Variants in ITGAL observed in about 807,000 individuals in gnomAD.
The protein encoded by ITGAL is integrin subunit alpha L, also known as integrin alpha-L.
ITGAL carries 68 observed loss-of-function variants against 138.4 expected under a neutral mutation model. That is an observed-to-expected ratio of 0.49 (90% CI 0.40 to 0.60). ITGAL has a LOEUF of 0.60. ITGAL is among the 20% of genes least tolerant of loss of function. ITGAL has a pLI of 0.00. For synonymous variants in ITGAL, 561 were observed against 584.3 expected, an observed-to-expected ratio of 0.96 and a Z score of 0.57; for missense variants, 1,256 against 1,478.6, an observed-to-expected ratio of 0.85 and a Z score of 2.47.
intron 18 of ITGAL, chr16:30,504,919 G>A (rs886463526): frequency 5.6e-6 from 1 of 180,130 alleles, no homozygotes. Flanking sequence ...TACTCAGGAG[G>A]CTGAGGCATA....
chr16:30,484,047 G>A, intron 8 of ITGAL, 66 bp from the exon 9 acceptor site: 2 of 1,594,390 alleles, frequency 1.3e-6, no homozygotes, highest in Non-Finnish European at 1.7e-6. Context: ...AGACTCTTGT[G>A]AAAATAATAG....
chr16:30,477,516 G>C (rs1263835871), intron 4 of ITGAL: 1 of 152,242 alleles, frequency 6.6e-6, no homozygotes, highest in African/African-American at 2.4e-5. Context: ...TACAGCCAGG[G>C]AGACAGAGTG....
chr16:30,521,281 C>T (rs932542028), intron 30 of ITGAL, among the ~76,000 whole-genome samples: 1 of 151,706 alleles, frequency 6.6e-6, no homozygotes, highest in African/African-American at 2.4e-5. Flanking sequence ...GTGGCAGATG[C>T]CTGTAATCCC....
At chr16:30,518,111 T>C (rs963631363) in intron 28 of ITGAL, among the ~76,000 whole-genome samples, 1 of 152,178 alleles carries the variant, frequency 6.6e-6, no homozygotes, top group Admixed American at 6.5e-5. Flanking sequence ...GTGTGTTCTT[T>C]ATAGAAAAGC....
rs750330890 is a variant in ITGAL at position 30,474,199 on chromosome 16, C to CGGCCT, written c.66_70dup (p.Ser24TrpfsTer64). 6.3e-7 allele frequency: 1 copy of CGGCCT among 1,599,278 alleles called. No individual in the cohort carries two copies. Among genetic ancestry groups the CGGCCT allele is most frequent in the African/African-American group, 1.3e-5 (1 of 74,860 alleles). On this transcript the variant is annotated frameshift_variant, in exon 2 of 31. Transcript: ENST00000356798. LOFTEE classifies it high-confidence loss of function. ...TGACGACCCTTGCCTTCCTCAGCGC[C>CGGCCT]GGCCTCGAGCTACAACCTGGACGTG...
At chr16:30,500,504 C>T (rs547649060) in intron 17 of ITGAL, among the ~76,000 whole-genome samples, 1 of 152,138 alleles carries the variant, frequency 6.6e-6, no homozygotes, top group East Asian at 1.9e-4. Flanking sequence ...CAAGTGCACA[C>T]CACTGTGCCT....
At chr16:30,496,052 C>G in intron 13 of ITGAL, 45 bp from the exon 14 acceptor site, 1 of 1,445,724 alleles carries the variant, frequency 6.9e-7, no homozygotes, top group African/African-American at 1.4e-5. Context: ...TCTGTGACAG[C>G]ATGCTGAGTG....
chr16:30,488,374 C>G (rs901982672), intron 9 of ITGAL, among the ~76,000 whole-genome samples: 1 of 151,920 alleles, frequency 6.6e-6, no homozygotes, highest in East Asian at 1.9e-4. Context: ...GAGCAGAAAC[C>G]AAGAGCTGAG....
chr16:30,485,002 C>G (rs1397415581), intron 9 of ITGAL, among the ~76,000 whole-genome samples: 2 of 152,142 alleles, frequency 1.3e-5, no homozygotes, highest in African/African-American at 4.8e-5. Flanking sequence ...TAAGCACTTA[C>G]TGAATATCTG....
At chr16:30,518,946 G>A (rs931175023) in intron 29 of ITGAL, among the ~76,000 whole-genome samples, 5 of 152,124 alleles carry the variant, frequency 3.3e-5, no homozygotes, top group African/African-American at 7.2e-5. Context: ...AATCGAGGCC[G>A]GGCGCAGTAG....
chr16:30,506,968 CA>C, intron 21 of ITGAL, 112 bp downstream of exon 21: 1 of 1,213,438 alleles, frequency 8.2e-7, no homozygotes, highest in East Asian at 2.4e-5. Context: ...TGCGGGTGGA[CA>C]GGGGTCTTAG....
At chr16:30,513,090 G>A (rs966074625) in intron 24 of ITGAL, among the ~76,000 whole-genome samples, 1 of 152,242 alleles carries the variant, frequency 6.6e-6, no homozygotes, top group Non-Finnish European at 1.5e-5. Context: ...GGGAGAAATG[G>A]AAGAGTTCGT....
In ITGAL at chr16:30,517,037, C is replaced by T. The variant is rs775608280; in HGVS notation, c.2927C>T (p.Pro976Leu). 4 of 1,613,654 alleles carry T rather than the reference C, an allele frequency of 2.5e-6. No homozygotes were observed. The South Asian group carries it at 4.4e-5, about 18-fold the overall frequency. ...IPTLEAVVGV[P>L]QPPSEGPITH... Reference sequence around the variant, plus strand: ...ACCCTGGAGGCTGTGGTTGGGGTGCCACAGCCTCCCAGCGAGGGGCCCATC... The same window carrying T: ...ACCCTGGAGGCTGTGGTTGGGGTGCTACAGCCTCCCAGCGAGGGGCCCATC... Residue 976 changes from proline (P) to leucine (L), a missense_variant, in exon 26 of 31, where the codon CCA (proline) becomes CTA (leucine). Coordinates refer to ENST00000356798, the MANE Select transcript of ITGAL (RefSeq NM_002209.3).
At chr16:30,490,235 A>AG (rs1234376146) in intron 11 of ITGAL, among the ~76,000 whole-genome samples, 1 of 151,030 alleles carries the variant, frequency 6.6e-6, no homozygotes, top group Non-Finnish European at 1.5e-5. Context: ...CTTAAAAAAA[A>AG]AAAAAAAAAA....
chr16:30,512,532 A>G (rs2051105070), intron 24 of ITGAL, among the ~76,000 whole-genome samples: 2 of 149,176 alleles, frequency 1.3e-5, no homozygotes, highest in Non-Finnish European at 3.0e-5. Context: ...GGTTGCAGTG[A>G]GCCGAGATCA....
At chr16:30,510,240 G>A (rs189686331) in intron 21 of ITGAL, 121 bp from the exon 22 acceptor site, 302 of 671,410 alleles carry the variant, frequency 4.5e-4, no homozygotes, top group African/African-American at 4.1e-3. Flanking sequence ...GCCCTTTCCC[G>A]CTGAGAAGGT....
chr16:30,487,272 G>A (rs893805461), intron 9 of ITGAL, among the ~76,000 whole-genome samples: 5 of 151,308 alleles, frequency 3.3e-5, no homozygotes, highest in African/African-American at 7.3e-5. Context: ...CACTACGCCC[G>A]GCCGAGACAG....
intron 10 of ITGAL, 22 bp downstream of exon 10, chr16:30,489,177 T>A (rs372182923): frequency 1.9e-6 from 3 of 1,613,604 alleles, no homozygotes; most frequent in South Asian, 2.2e-5. Flanking sequence ...GCTGGAGCAA[T>A]GGGCTGCAGG....
chr16:30,478,004 A>G (rs1567462182), intron 4 of ITGAL, among the ~76,000 whole-genome samples: 1 of 151,448 alleles, frequency 6.6e-6, no homozygotes. Flanking sequence ...AAGGAAGAAG[A>G]AAAAGAAAGA....
Sources: allele counts gnomAD v4.1 joint callset (sites outside exome capture counted in the v4.1 genomes callset), GRCh38; gene constraint gnomAD v4.1.1; transcripts MANE v1.5; gene names NCBI Gene and HGNC (gene_info 2026-07-23, HGNC 2026-07-21).